TGFB2: variants seen among roughly 807,000 people sequenced by gnomAD.
TGFB2 encodes transforming growth factor beta-2 proprotein.
In TGFB2, 13 loss-of-function variants were observed where a neutral mutation model predicts 42.7. The ratio of observed to expected loss-of-function variants is 0.30; its 90% CI spans 0.20 to 0.48. The LOEUF (loss-of-function observed/expected upper bound fraction) is 0.48, where lower values mean the gene tolerates loss of function less well. Among genes scored for constraint, TGFB2 ranks in the 20% least tolerant of loss-of-function variants. The pLI is 0.99. For missense variants in TGFB2, 390 were observed against 517.5 expected (o/e 0.75, Z 2.39); for synonymous variants, 193 against 193.6 (o/e 1.00, Z 0.03).
At chr1:218,439,709 C>T (rs1032054974) in intron 6 of TGFB2, among the ~76,000 whole-genome samples, 22 of 152,076 alleles carry the variant, frequency 1.4e-4, no homozygotes, top group Non-Finnish European at 3.1e-4. Flanking sequence ...CTCTGGGCTG[C>T]GGCAGCAGTA....
intron 1 of TGFB2, among the ~76,000 whole-genome samples, chr1:218,367,160 C>T (rs993562821): frequency 6.6e-6 from 1 of 152,062 alleles, no homozygotes; most frequent in East Asian, 1.9e-4. Flanking sequence ...ACTTTCAAAG[C>T]TAGTGTTTAA....
intron 1 of TGFB2, among the ~76,000 whole-genome samples, chr1:218,359,551 C>A (rs1657146702): frequency 1.3e-5 from 2 of 152,152 alleles, no homozygotes; most frequent in Admixed American, 1.3e-4. Flanking sequence ...TGTGTAAAGT[C>A]ATGTCTAATT....
At chr1:218,402,178 C>A (rs947231940) in intron 1 of TGFB2, among the ~76,000 whole-genome samples, 1 of 152,238 alleles carries the variant, frequency 6.6e-6, no homozygotes, top group Non-Finnish European at 1.5e-5. Flanking sequence ...AACACCAAAG[C>A]AGTGGCTGAT....
At chr1:218,348,754 C>T (rs1450522863) in intron 1 of TGFB2, among the ~76,000 whole-genome samples, 2 of 152,188 alleles carry the variant, frequency 1.3e-5, no homozygotes, top group Admixed American at 6.5e-5. Flanking sequence ...CTTTCTCTAG[C>T]ATGTGCATCG....
intron 1 of TGFB2, among the ~76,000 whole-genome samples, chr1:218,375,419 T>C (rs1221426294): frequency 6.8e-6 from 1 of 147,292 alleles, no homozygotes; most frequent in Non-Finnish European, 1.5e-5. Flanking sequence ...TTTTTTTTTT[T>C]CCTAAAATGA....
intron 2 of TGFB2, among the ~76,000 whole-genome samples, chr1:218,426,624 A>G (rs1365813775): frequency 2.6e-5 from 4 of 152,232 alleles, no homozygotes; most frequent in African/African-American, 9.6e-5. Context: ...CAGCTAAGCC[A>G]AAGACAGCTA....
intron 1 of TGFB2, among the ~76,000 whole-genome samples, chr1:218,404,758 T>C (rs1658850727): frequency 6.6e-6 from 1 of 152,198 alleles, no homozygotes; most frequent in Non-Finnish European, 1.5e-5. Context: ...AAAAAATACA[T>C]GGGCAAACTG....
rs939578272 is a variant in TGFB2 at position 218,442,542 on chromosome 1, C to G, written c.*1180C>G. On this transcript the variant is annotated 3_prime_UTR_variant, in exon 7 of 7. Transcript: ENST00000366930. ...GTATGTTTCTTTTAGCTGGCCAGTACTTTTGAGTAAAGCCCCTATAGTTTG... is the reference window on the plus strand; with the variant it reads ...GTATGTTTCTTTTAGCTGGCCAGTAGTTTTGAGTAAAGCCCCTATAGTTTG... 1 of 151,876 alleles carries G rather than the reference C, an allele frequency of 6.6e-6. No individual in the cohort carries two copies. Among genetic ancestry groups the G allele is most frequent in the African/African-American group, 2.4e-5 (1 of 41,358 alleles). The allele number at this position is 151,876 out of a possible 1,614,324, so 9.4% of individuals were successfully genotyped here. A position where few individuals can be genotyped will look rare whatever the true frequency, so the allele number is the denominator to read the frequency against.
intron 6 of TGFB2, among the ~76,000 whole-genome samples, chr1:218,438,172 G>C (rs1424066419): frequency 6.6e-6 from 1 of 151,874 alleles, no homozygotes; most frequent in Non-Finnish European, 1.5e-5. Flanking sequence ...TCTACTCTCT[G>C]CCTCCATAAG....
At chr1:218,351,237 A>G (rs927932990) in intron 1 of TGFB2, among the ~76,000 whole-genome samples, 2 of 152,074 alleles carry the variant, frequency 1.3e-5, no homozygotes, top group Admixed American at 1.3e-4. Context: ...ACGTAGTGGT[A>G]TTTTTGCTTT....
rs151329324 is a variant in TGFB2, at chr1:218,346,056, G to GCACACACACACA, written c.-632_-621dup. 0.023 allele frequency among the ~76,000 whole-genome samples: 3,365 copies of GCACACACACACA among 145,590 alleles called. 92 individuals carry two copies. The highest frequency in any genetic ancestry group is 0.067 in the African/African-American group (2,651 of 39,632). On this transcript the variant is annotated 5_prime_UTR_variant, in exon 1 of 7. Transcript: ENST00000366930. This position sits in a 1 kb window ranked among gnomAD's most constrained non-coding sequence, Gnocchi z 4.9. ...GGGCTCGCCCCCAGCGCGCGCACAC[G>GCACACACACACA]CACACACACACACACACACACACAC...
Position 218,436,004 on chromosome 1 carries a change from T to G in TGFB2, c.789T>G (p.Asp263Glu), listed in dbSNP as rs1256878861. The G allele has an allele frequency of 2.5e-6, 4 of 1,613,834 alleles. No homozygotes were observed. The highest frequency in any genetic ancestry group is 1.7e-5 in the Admixed American group (1 of 59,964). The stretch of plus-strand genomic sequence containing the variant: ...GCACCTCCACATATACCAGTGGTGA[T>G]CAGAAAACTATAAAGTCCACTAGGA... ...IDGTSTYTSG[D>E]QKTIKSTRKK... Residue 263 changes from aspartate (D) to glutamate (E), a missense_variant, in exon 5 of 7, where the codon GAT becomes GAG. Asp to Glu is a conservative substitution (Grantham distance 45). Transcript: ENST00000366930.
chr1:218,383,447 A>G (rs1487043621), intron 1 of TGFB2, among the ~76,000 whole-genome samples: 3 of 152,176 alleles, frequency 2.0e-5, no homozygotes, highest in African/African-American at 7.2e-5. Flanking sequence ...TTAAAATGCA[A>G]TAATAGGGCT....
intron 2 of TGFB2, among the ~76,000 whole-genome samples, chr1:218,431,234 T>C (rs1659797342): frequency 1.3e-5 from 2 of 152,224 alleles, no homozygotes; most frequent in Non-Finnish European, 2.9e-5. Context: ...ATTGTCTGTT[T>C]TCTGAGCCTA....
At chr1:218,385,447 A>G (rs538191635) in intron 1 of TGFB2, among the ~76,000 whole-genome samples, 14 of 152,356 alleles carry the variant, frequency 9.2e-5, no homozygotes, top group African/African-American at 3.4e-4. Flanking sequence ...GCCTTCCCCA[A>G]AGTAACACGA....
At position 218,346,913 on chromosome 1, in the gene TGFB2, A is replaced by G; in HGVS notation, c.212A>G (p.Tyr71Cys). The G allele has an allele frequency of 6.2e-7, 1 of 1,614,224 alleles. No individual in the cohort carries two copies. Among genetic ancestry groups the G allele is most frequent in the Non-Finnish European group, 8.5e-7 (1 of 1,180,044 alleles). ...EEVPPEVISI[Y>C]NSTRDLLQEK... ...GTCCCCCCGGAGGTGATTTCCATCT[A>G]CAACAGCACCAGGGACTTGCTCCAG... The change falls in exon 1 of 7, where the codon TAC becomes TGC. Residue 71 changes from tyrosine to cysteine, a missense_variant. Tyr to Cys is a radical substitution (Grantham distance 194). Transcript: ENST00000366930. This position sits in a 1 kb window ranked among gnomAD's most constrained non-coding sequence, Gnocchi z 4.9.
Position 218,345,343 on chromosome 1 carries a change from T to C in TGFB2, c.-1359T>C, listed in dbSNP as rs2102525151. 6.6e-6 allele frequency: 1 copy of C among 152,396 alleles called. No homozygotes were observed. The highest frequency in any genetic ancestry group is 1.9e-4 in the East Asian group (1 of 5,168). The allele number at this position is 152,396 out of a possible 1,614,324, so 9.4% of individuals were successfully genotyped here. The stretch of plus-strand genomic sequence containing the variant: ...CCTCCCCGGCAAGATCGTGATGTTA[T>C]CTGCTGGCAGCAGAAGGTTCGCTCC... On this transcript the variant is annotated 5_prime_UTR_variant, in exon 1 of 7. Coordinates refer to ENST00000366930, the MANE Select transcript of TGFB2 (RefSeq NM_003238.6).
intron 2 of TGFB2, chr1:218,405,572 T>C (rs1487502319): frequency 1.8e-6 from 1 of 552,700 alleles, no homozygotes; most frequent in South Asian, 1.9e-5. Flanking sequence ...TCTCACCGTG[T>C]TGCCCTGGCT....
chr1:218,366,961 C>A (rs1657407016), intron 1 of TGFB2, among the ~76,000 whole-genome samples: 1 of 152,078 alleles, frequency 6.6e-6, no homozygotes, highest in South Asian at 2.1e-4. Context: ...CAAATGCAGG[C>A]AAATATTGAG....
Sources: gnomAD v4.1 joint callset for allele counts (sites outside exome capture counted in the v4.1 genomes callset) on GRCh38, gnomAD v4.1.1 for gene constraint, Gnocchi (gnomAD v3.1) non-coding constraint, MANE v1.5 for transcripts, NCBI Gene and HGNC (gene_info 2026-07-23, HGNC 2026-07-21) for gene names.